The following ZNF777 variants were observed in gnomAD, a reference collection of about 807,000 sequenced individuals.
ZNF777 encodes zinc finger protein 777.
A neutral mutation model predicts 72.1 loss-of-function variants in ZNF777; 7 were observed. The ratio of observed to expected loss-of-function variants is 0.10; its 90% CI spans 0.06 to 0.18. The LOEUF (loss-of-function observed/expected upper bound fraction) is 0.18. Among genes scored for constraint, ZNF777 ranks in the 10% least tolerant of loss-of-function variants. The pLI is 1.00. For missense variants in ZNF777, 828 were observed against 1,128.6 expected (o/e 0.73, Z 3.82); for synonymous variants, 545 against 483.5 (o/e 1.13, Z -1.67).
chr7:149,448,578 A>ATATAG (rs1491438473), intron 4 of ZNF777, among the ~76,000 whole-genome samples: 10 of 39,968 alleles, frequency 2.5e-4, no homozygotes, highest in Non-Finnish European at 3.5e-4. Context: ...TATACATATA[A>ATATAG]CTATATATAT....
At position 149,432,096 on chromosome 7, in the gene ZNF777, C is replaced by T; in HGVS notation, c.2176G>A (p.Glu726Lys). ...HTGERPFKCP[E>K]CEKSFSEKSK... ...TTCTCGCTGAAGCTCTTCTCGCACTCGGGGCACTTGAAGGGCCGCTCGCCT... is the reference window on the plus strand; with the variant it reads ...TTCTCGCTGAAGCTCTTCTCGCACTTGGGGCACTTGAAGGGCCGCTCGCCT... The change falls in exon 6 of 6, where the codon GAG becomes AAG. Residue 726 changes from glutamate (E) to lysine (K), a missense_variant. Glu to Lys is a moderately conservative substitution (Grantham distance 56, BLOSUM62 1). Transcript: ENST00000247930. 4 of 1,604,276 alleles carry T rather than the reference C, an allele frequency of 2.5e-6. No homozygotes were observed. Among genetic ancestry groups the T allele is most frequent in the Non-Finnish European group, 3.4e-6 (4 of 1,179,542 alleles).
chr7:149,448,739 T>C (rs372613550), intron 4 of ZNF777, among the ~76,000 whole-genome samples: 7 of 151,888 alleles, frequency 4.6e-5, no homozygotes, highest in East Asian at 1.9e-4. Flanking sequence ...TGGTTCGCTT[T>C]ACTCTTTGCC....
At chr7:149,454,370 T>A in intron 2 of ZNF777, 133 bp from the exon 3 acceptor site, 1 of 1,149,336 alleles carries the variant, frequency 8.7e-7, no homozygotes, top group Non-Finnish European at 1.2e-6. Flanking sequence ...GCCACTGTCC[T>A]GGCCCCAAAG....
intron 2 of ZNF777, among the ~76,000 whole-genome samples, chr7:149,454,632 A>C (rs1799785798): frequency 6.6e-6 from 1 of 152,234 alleles, no homozygotes; most frequent in African/African-American, 2.4e-5. Context: ...GAAAGGGGGC[A>C]GCAGCACTGA....
In ZNF777 at chr7:149,455,580, T is replaced by G; in HGVS notation, c.443A>C (p.Glu148Ala). 1 of 1,610,238 alleles carries G rather than the reference T, an allele frequency of 6.2e-7. No homozygotes were observed. Among genetic ancestry groups the G allele is most frequent in the Non-Finnish European group, 8.5e-7 (1 of 1,179,454 alleles). Residue 148 changes from glutamate to alanine, a missense_variant, in exon 2 of 6, where the codon GAG becomes GCG. By Grantham distance (107) the Glu-to-Ala change is moderately radical. Coordinates refer to ENST00000247930, the MANE Select transcript of ZNF777 (RefSeq NM_015694.3). The surrounding 1 kb of genome is among the most constrained non-coding windows in gnomAD (Gnocchi z 4.2). ...CTGGAGCAGCGGGTCCATGTCAGTCTCGGGAACTGTTGGGGAAAGGGTCAG... is the reference window on the plus strand; with the variant it reads ...CTGGAGCAGCGGGTCCATGTCAGTCGCGGGAACTGTTGGGGAAAGGGTCAG... ...DPLTLSPTVP[E>A]TDMDPLLQSP...
Position 149,431,723 on chromosome 7 carries a change from G to C in ZNF777, c.*53C>G. The C allele has an allele frequency of 1.6e-6, 2 of 1,261,352 alleles. No individual in the cohort carries two copies. The highest frequency in any genetic ancestry group is 2.0e-6 in the Non-Finnish European group (2 of 1,001,746). 78.1% of individuals were successfully genotyped at this position (1,261,352 alleles called of 1,614,324 possible). A position where few individuals can be genotyped will look rare whatever the true frequency, so the allele number is the denominator to read the frequency against. On this transcript the variant is annotated 3_prime_UTR_variant, in exon 6 of 6. Transcript: ENST00000247930. ...GCTGGGCTCGGGCCTGGCGGTGTCC[G>C]AGGGGGGGCACGGCCCGCGCACCTG...
At chr7:149,459,878 C>T in intron 1 of ZNF777, 1 of 982,508 alleles carries the variant, frequency 1.0e-6, no homozygotes, top group Non-Finnish European at 1.2e-6. Context: ...CTCGGGGCCG[C>T]GTGTGTGCCG....
rs754524566 is a variant in ZNF777 at position 149,455,892 on chromosome 7, G to C, written c.131C>G (p.Pro44Arg). Residue 44 changes from proline to arginine, a missense_variant, in exon 2 of 6, where the codon CCT (proline) becomes CGT (arginine). Physicochemically the swap from Pro to Arg is moderately radical, Grantham distance 103. This residue lies in a region of ZNF777 where 222 missense variants were observed against 211.2 expected (regional missense o/e 1.05). Transcript: ENST00000247930. This position sits in a 1 kb window ranked among gnomAD's most constrained non-coding sequence, Gnocchi z 4.2. ...ACGGGGAATGGTGGGAGACAAAGAA[G>C]GAATTTCTTTGGGAGGAAGAACGCG... is the stretch of plus-strand genomic sequence containing the variant. The part of the protein sequence containing the change: ...QSRVLPPKEI[P>R]SLSPTIPRQG... The C allele has an allele frequency of 6.2e-7, 1 of 1,613,784 alleles. No individual in the cohort carries two copies. The highest frequency in any genetic ancestry group is 2.2e-5 in the East Asian group (1 of 44,868).
At chr7:149,441,227 T>C (rs559263101) in intron 4 of ZNF777, among the ~76,000 whole-genome samples, 7 of 152,316 alleles carry the variant, frequency 4.6e-5, no homozygotes, top group Non-Finnish European at 5.9e-5. Context: ...CGAAGACACA[T>C]ACATTGTGGG....
intron 4 of ZNF777, among the ~76,000 whole-genome samples, chr7:149,445,943 T>A (rs945762610): frequency 6.6e-6 from 1 of 152,116 alleles, no homozygotes; most frequent in Admixed American, 6.6e-5. Context: ...CCCAAGCAGG[T>A]GTGGGGGTGC....
In ZNF777 at chr7:149,433,459, G is replaced by T. The variant is rs529593479; in HGVS notation, c.1340-527C>A. On this transcript the variant is annotated intron_variant, in intron 5 of 5. Coordinates refer to ENST00000247930, the MANE Select transcript of ZNF777 (RefSeq NM_015694.3). ...TCCACTCCTAAGGTTCTCAGTCTTT[G>T]CCCCTCTGAGGACATCTCTGCCTGA... Among the ~76,000 whole-genome samples the T allele has an allele frequency of 1.9e-3, 288 of 152,302 alleles. 3 individuals carry two copies. The highest frequency in any genetic ancestry group is 3.5e-3 in the Admixed American group (54 of 15,306).
Position 149,455,795 on chromosome 7 carries a change from C to A in ZNF777, c.228G>T (p.Gln76His), listed in dbSNP as rs1799816907. ...CAGAACACAGGAGTGAGGGTCCCTT[C>A]TGGAGCACATGTGGCATCCGGCCAG... ...ETSGRMPHVL[Q>H]KGPSLLCSAA... Residue 76 changes from glutamine to histidine, a missense_variant, in exon 2 of 6, where the codon CAG becomes CAT. This residue lies in a region of ZNF777 where 222 missense variants were observed against 211.2 expected (regional missense o/e 1.05). Coordinates refer to ENST00000247930, the MANE Select transcript of ZNF777 (RefSeq NM_015694.3). This position sits in a 1 kb window ranked among gnomAD's most constrained non-coding sequence, Gnocchi z 4.2. 1 of 1,611,840 alleles carries A rather than the reference C, an allele frequency of 6.2e-7. No individual in the cohort carries two copies. Among genetic ancestry groups the A allele is most frequent in the African/African-American group, 1.3e-5 (1 of 74,966 alleles).
At chr7:149,439,895 TTTTC>T (rs1372736233) in intron 4 of ZNF777, among the ~76,000 whole-genome samples, 1 of 152,232 alleles carries the variant, frequency 6.6e-6, no homozygotes, top group Non-Finnish European at 1.5e-5. Flanking sequence ...AATAGAAATT[TTTTC>T]TAATTAGTTT....
chr7:149,459,583 C>T (rs754880151), intron 1 of ZNF777: 492 of 964,672 alleles, frequency 5.1e-4, no homozygotes, highest in Non-Finnish European at 5.8e-4. Context: ...GCCAGAGCCA[C>T]CCCCTCCCCG....
At chr7:149,438,348 T>C (rs1160965805) in intron 4 of ZNF777, among the ~76,000 whole-genome samples, 2 of 152,228 alleles carry the variant, frequency 1.3e-5, no homozygotes, top group African/African-American at 4.8e-5. Flanking sequence ...CTGTATATAT[T>C]CCATGGTCAG....
intron 4 of ZNF777, among the ~76,000 whole-genome samples, chr7:149,448,629 AT>A (rs1799660315): frequency 6.9e-6 from 1 of 145,564 alleles, no homozygotes; most frequent in Non-Finnish European, 1.5e-5. Flanking sequence ...ATACATATAT[AT>A]TTTAAGACTA....
chr7:149,449,152 G>A (rs1799669293), intron 4 of ZNF777, among the ~76,000 whole-genome samples: 5 of 152,222 alleles, frequency 3.3e-5, no homozygotes, highest in Admixed American at 6.5e-5. Context: ...CGAGGCCGGG[G>A]CCTTTGGTTT....
At chr7:149,451,310 T>G (rs1007868944) in intron 3 of ZNF777, among the ~76,000 whole-genome samples, 198 bp from the exon 4 acceptor site, 4 of 150,606 alleles carry the variant, frequency 2.7e-5, no homozygotes, top group Non-Finnish European at 5.9e-5. Context: ...TGGCGGGGGG[T>G]AGAGGGATCG....
chr7:149,448,097 G>A (rs191414623), intron 4 of ZNF777, among the ~76,000 whole-genome samples: 2 of 152,066 alleles, frequency 1.3e-5, no homozygotes, highest in East Asian at 3.9e-4. Context: ...CTATATTTTG[G>A]ATTCTTTTTC....
Sources: gnomAD v4.1 joint callset for allele counts (sites outside exome capture counted in the v4.1 genomes callset) on GRCh38, gnomAD v4.1.1 for gene constraint, gnomAD v4.1.1 regional missense constraint, Gnocchi (gnomAD v3.1) non-coding constraint, MANE v1.5 for transcripts, NCBI Gene and HGNC (gene_info 2026-07-23, HGNC 2026-07-21) for gene names.